Variants in CEP128 observed in about 807,000 individuals in gnomAD.
The protein encoded by CEP128 is centrosomal protein 128kDa.
CEP128 carries 132 observed loss-of-function variants against 156.7 expected under a neutral mutation model. The ratio of observed to expected loss-of-function variants is 0.84; its 90% confidence interval spans 0.73 to 0.97. The LOEUF is 0.97. Ranked by LOEUF, CEP128 falls within the 50% of genes least tolerant of loss-of-function variation. CEP128 has a pLI of 0.00. For missense variants in CEP128, 1,252 were observed against 1,281.9 expected, an observed-to-expected ratio of 0.98 and a Z score of 0.36; for synonymous variants, 469 against 448.9, an observed-to-expected ratio of 1.04 and a Z score of -0.57.
chr14:80,842,690 G>C (rs1052664922), intron 9 of CEP128, among the ~76,000 whole-genome samples: 1 of 151,506 alleles, frequency 6.6e-6, no homozygotes, highest in African/African-American at 2.4e-5. Flanking sequence ...CTTAAATCAA[G>C]CAACTTAGAC....
At chr14:80,913,957 A>AT (rs546368606) in intron 4 of CEP128, among the ~76,000 whole-genome samples, 3 of 152,114 alleles carry the variant, frequency 2.0e-5, no homozygotes, top group South Asian at 2.1e-4. Flanking sequence ...TTGAGAGAGG[A>AT]TTTTTTCATT....
downstream of CEP128, among the ~76,000 whole-genome samples, chr14:80,489,859 A>C (rs566421697): frequency 2.0e-5 from 3 of 150,936 alleles, no homozygotes; most frequent in Admixed American, 2.0e-4. Context: ...GTAGGGATTC[A>C]GTATGTATTT....
intron 9 of CEP128, among the ~76,000 whole-genome samples, chr14:80,854,283 T>G (rs2140128738): frequency 6.6e-6 from 1 of 152,142 alleles, no homozygotes; most frequent in Admixed American, 6.6e-5. Context: ...AAAAATAAGA[T>G]CTACCAATGG....
chr14:80,894,682 A>C (rs1275640230), intron 8 of CEP128: 5 of 397,142 alleles, frequency 1.3e-5, no homozygotes, highest in Non-Finnish European at 2.5e-5. Context: ...AAAAAACTTA[A>C]TACCAAAAAC....
chr14:80,790,325 T>C (rs750535101), intron 14 of CEP128, among the ~76,000 whole-genome samples: 1 of 152,098 alleles, frequency 6.6e-6, no homozygotes, highest in Non-Finnish European at 1.5e-5. Context: ...GAAAAGCATA[T>C]ACTATGATTG....
chr14:80,523,212 T>G (rs1422338794), intron 23 of CEP128, among the ~76,000 whole-genome samples: 1 of 152,226 alleles, frequency 6.6e-6, no homozygotes, highest in East Asian at 1.9e-4. Flanking sequence ...ATTCCAACAG[T>G]TATTTGTCTG....
chr14:80,833,430 A>C (rs1332338322), intron 12 of CEP128, among the ~76,000 whole-genome samples: 2 of 151,880 alleles, frequency 1.3e-5, no homozygotes, highest in African/African-American at 4.8e-5. Flanking sequence ...CACATGTAGT[A>C]TATGTAATGA....
chr14:80,786,787 G>T (rs1901430758), intron 14 of CEP128, among the ~76,000 whole-genome samples: 1 of 152,140 alleles, frequency 6.6e-6, no homozygotes, highest in Non-Finnish European at 1.5e-5. Context: ...AGGGTCTCAG[G>T]GAGGTGTTTA....
chr14:80,642,261 G>T (rs912341794), intron 19 of CEP128, among the ~76,000 whole-genome samples: 5 of 151,984 alleles, frequency 3.3e-5, no homozygotes, highest in Non-Finnish European at 5.9e-5. Context: ...AGAAAAGAGG[G>T]GATCAAGTTT....
At chr14:80,557,977 T>C (rs867080055) in intron 21 of CEP128, among the ~76,000 whole-genome samples, 1 of 152,144 alleles carries the variant, frequency 6.6e-6, no homozygotes, top group Non-Finnish European at 1.5e-5. Flanking sequence ...CTTTTTCATA[T>C]ATTAGCACGG....
chr14:80,764,608 G>A (rs1900148152), intron 16 of CEP128, among the ~76,000 whole-genome samples: 1 of 152,128 alleles, frequency 6.6e-6, no homozygotes, highest in Non-Finnish European at 1.5e-5. Context: ...AGTAAAAGCT[G>A]TAGGACTATG....
chr14:80,487,137 C>A (rs563373376), downstream of CEP128, among the ~76,000 whole-genome samples: 1 of 152,004 alleles, frequency 6.6e-6, no homozygotes, highest in Non-Finnish European at 1.5e-5. Context: ...ACCCATCTCA[C>A]GTGCAGAGAC....
chr14:80,622,644 C>T lies in CEP128; in HGVS notation c.2807-42221G>A, dbSNP rs567079812. ...ACTAACAACCCCATCAAAAAGTGGGCGAAGGACATGAACAGACACTTCTCA... is the reference window on the plus strand; with the variant it reads ...ACTAACAACCCCATCAAAAAGTGGGTGAAGGACATGAACAGACACTTCTCA... On this transcript the variant is annotated intron_variant, in intron 19 of 24. Coordinates refer to ENST00000555265, the MANE Select transcript of CEP128 (RefSeq NM_152446.5). Among the ~76,000 whole-genome samples, 233 of 149,754 alleles carry T rather than the reference C, an allele frequency of 1.6e-3. 1 individual carries two copies. Among genetic ancestry groups the T allele is most frequent in the African/African-American group, 5.3e-3 (215 of 40,694 alleles).
intron 19 of CEP128, among the ~76,000 whole-genome samples, chr14:80,622,628 C>A (rs939477007): frequency 3.3e-5 from 5 of 149,540 alleles, no homozygotes; most frequent in African/African-American, 9.8e-5. Flanking sequence ...AACTAACAAC[C>A]CCATCAAAAA....
chr14:80,923,989 A>C (rs1212861673), intron 2 of CEP128, among the ~76,000 whole-genome samples: 1 of 152,170 alleles, frequency 6.6e-6, no homozygotes, highest in Non-Finnish European at 1.5e-5. Flanking sequence ...CCATATGAGA[A>C]GGTCCAAGCT....
chr14:80,477,262 C>T (rs951390018), exon 15 of CEP128: 1 of 152,114 alleles, frequency 6.6e-6, no homozygotes, highest in Non-Finnish European at 1.5e-5. Flanking sequence ...GCCTTTCCTA[C>T]CTTGGAAAAA....
At chr14:80,813,221 G>A (rs1275338746) in intron 13 of CEP128, among the ~76,000 whole-genome samples, 1 of 152,080 alleles carries the variant, frequency 6.6e-6, no homozygotes, top group African/African-American at 2.4e-5. Flanking sequence ...TCTTTAGTTA[G>A]ATGTCACTTG....
intron 23 of CEP128, among the ~76,000 whole-genome samples, chr14:80,514,040 T>C (rs529218945): frequency 3.3e-5 from 5 of 152,318 alleles, no homozygotes; most frequent in Admixed American, 3.3e-4. Flanking sequence ...AAGACCTTGG[T>C]CTCCACAATC....
intron 19 of CEP128, among the ~76,000 whole-genome samples, chr14:80,678,032 T>C (rs968245537): frequency 3.8e-5 from 4 of 104,636 alleles, no homozygotes; most frequent in Non-Finnish European, 5.5e-5. Flanking sequence ...ACATGGACAG[T>C]TGCTCTATAA....
Sources: gnomAD v4.1 joint callset for allele counts (sites outside exome capture counted in the v4.1 genomes callset) on GRCh38, gnomAD v4.1.1 for gene constraint, MANE v1.5 for transcripts, NCBI Gene and HGNC (gene_info 2026-07-23, HGNC 2026-07-21) for gene names.